Variants in DCBLD1 observed in about 807,000 individuals in gnomAD.
DCBLD1 encodes the protein discoidin, CUB and LCCL domain-containing protein 1.
Under a neutral mutation model 71.5 loss-of-function variants are expected in DCBLD1, and 57 were observed. That is an observed-to-expected ratio of 0.80 (90% CI 0.64 to 0.99). The LOEUF (loss-of-function observed/expected upper bound fraction) is 0.99, where lower values mean the gene tolerates loss of function less well. Among genes scored for constraint, DCBLD1 ranks in the 50% least tolerant of loss-of-function variants. DCBLD1 has a pLI of 0.00. For synonymous variants in DCBLD1, 380 were observed against 363.8 expected (o/e 1.04, Z -0.51); for missense variants, 891 against 923.5 (o/e 0.96, Z 0.46).
intron 9 of DCBLD1, 92 bp from the exon 10 acceptor site, chr6:117,540,576 C>A: frequency 6.7e-7 from 1 of 1,484,066 alleles, no homozygotes; most frequent in South Asian, 1.3e-5. Flanking sequence ...AGAATCCTTG[C>A]CTTGGTTTCA....
At chr6:117,517,665 A>T (rs543641571) in intron 2 of DCBLD1, among the ~76,000 whole-genome samples, 3 of 152,200 alleles carry the variant, frequency 2.0e-5, no homozygotes, top group African/African-American at 7.2e-5. Flanking sequence ...CCAAACCCCA[A>T]TTCTTGACTT....
chr6:117,535,207 C>CT (rs762714546), intron 6 of DCBLD1, among the ~76,000 whole-genome samples: 2 of 152,160 alleles, frequency 1.3e-5, no homozygotes, highest in Non-Finnish European at 2.9e-5. Flanking sequence ...ATCCAGGGGT[C>CT]TTCTGGGATT....
downstream of DCBLD1, among the ~76,000 whole-genome samples, chr6:117,550,657 A>AT (rs1779412953): frequency 6.6e-6 from 1 of 152,168 alleles, no homozygotes; most frequent in African/African-American, 2.4e-5. Flanking sequence ...TTTTGTGTTT[A>AT]TTTTATACTG....
intron 1 of DCBLD1, among the ~76,000 whole-genome samples, chr6:117,487,727 T>C (rs1310185528): frequency 1.3e-5 from 2 of 151,974 alleles, no homozygotes; most frequent in Non-Finnish European, 2.9e-5. Flanking sequence ...GTATGTAAAA[T>C]AGAGAAATTC....
chr6:117,522,732 C>A (rs1334868815), intron 4 of DCBLD1, among the ~76,000 whole-genome samples: 1 of 152,154 alleles, frequency 6.6e-6, no homozygotes, highest in Non-Finnish European at 1.5e-5. Context: ...CTATGACTCT[C>A]TAGAGTGCTT....
At chr6:117,512,785 ATGT>A (rs146434117) in intron 2 of DCBLD1, among the ~76,000 whole-genome samples, 5 of 151,694 alleles carry the variant, frequency 3.3e-5, no homozygotes, top group Admixed American at 2.0e-4. Context: ...TGGAGGTTTT[ATGT>A]TGTTGTTGTT....
At chr6:117,560,787 T>C in intron 14 of DCBLD1, 1 of 211,780 alleles carries the variant, frequency 4.7e-6, no homozygotes. Context: ...ATTAAAACGT[T>C]TTCTCAACCA....
chr6:117,521,437 ACT>A (rs1194109223), intron 3 of DCBLD1, 86 bp from the exon 4 acceptor site: 43 of 1,154,742 alleles, frequency 3.7e-5, no homozygotes, highest in African/African-American at 6.7e-5. Context: ...CTTTTTAAAA[ACT>A]CTTTTATTTT....
intron 3 of DCBLD1, among the ~76,000 whole-genome samples, chr6:117,521,113 CT>C (rs1477414601): frequency 6.6e-6 from 1 of 152,210 alleles, no homozygotes; most frequent in African/African-American, 2.4e-5. Context: ...CCAGATGCCA[CT>C]GGCTAAATTG....
intron 1 of DCBLD1, among the ~76,000 whole-genome samples, chr6:117,501,333 A>G (rs11153665): frequency 0.099 from 7,948 of 80,424 alleles, 319 homozygotes; most frequent in Non-Finnish European, 0.12. Context: ...TTCAGTTGTC[A>G]TTGTTGTTGT....
intron 4 of DCBLD1, among the ~76,000 whole-genome samples, chr6:117,522,374 C>T (rs969691603): frequency 7.9e-5 from 12 of 152,094 alleles, no homozygotes; most frequent in African/African-American, 1.7e-4. Flanking sequence ...TGGGCAGAAT[C>T]GCCCCCAGTG....
At chr6:117,496,883 C>T (rs1295033109) in intron 1 of DCBLD1, among the ~76,000 whole-genome samples, 1 of 152,128 alleles carries the variant, frequency 6.6e-6, no homozygotes, top group Non-Finnish European at 1.5e-5. Flanking sequence ...TATCATTTAA[C>T]TTTTGTTCAT....
At chr6:117,562,011 G>C (rs1172514601) in intron 14 of DCBLD1, 1 of 205,756 alleles carries the variant, frequency 4.9e-6, no homozygotes, top group Non-Finnish European at 9.9e-6. Context: ...TCCTTTAACT[G>C]TACGTCCTTT....
intron 2 of DCBLD1, among the ~76,000 whole-genome samples, chr6:117,504,751 C>T (rs1777782321): frequency 6.6e-6 from 1 of 152,168 alleles, no homozygotes; most frequent in Non-Finnish European, 1.5e-5. Flanking sequence ...ACCCTTTGAT[C>T]CTAAGCCCAA....
At chr6:117,564,450 AGAT>A (rs1226178558) in intron 14 of DCBLD1, among the ~76,000 whole-genome samples, 2 of 152,242 alleles carry the variant, frequency 1.3e-5, no homozygotes, top group Non-Finnish European at 2.9e-5. Flanking sequence ...TTTGTTGGCA[AGAT>A]GATGTCTAGC....
At chr6:117,551,759 T>C (rs2114584828), downstream of DCBLD1, among the ~76,000 whole-genome samples, 1 of 152,328 alleles carries the variant, frequency 6.6e-6, no homozygotes, top group Middle Eastern at 3.4e-3. Context: ...GAATTCATAA[T>C]AGACAGGTTT....
chr6:117,526,251 A>AT (rs1308603437), intron 5 of DCBLD1, among the ~76,000 whole-genome samples: 2 of 152,010 alleles, frequency 1.3e-5, no homozygotes, highest in African/African-American at 4.8e-5. Flanking sequence ...AGATTTTGTT[A>AT]TTTTGCCTTT....
chr6:117,538,143 T>C (rs893749205), intron 7 of DCBLD1, among the ~76,000 whole-genome samples: 2 of 152,222 alleles, frequency 1.3e-5, no homozygotes, highest in Non-Finnish European at 2.9e-5. Context: ...TTGGGCATGG[T>C]ATAGTTAAGG....
intron 5 of DCBLD1, among the ~76,000 whole-genome samples, chr6:117,526,777 G>T (rs1287823794): frequency 6.6e-6 from 1 of 152,174 alleles, no homozygotes. Context: ...TCAATGTCAT[G>T]GATGTATTAG....
Sources: allele counts gnomAD v4.1 joint callset (sites outside exome capture counted in the v4.1 genomes callset), GRCh38; gene constraint gnomAD v4.1.1; transcripts MANE v1.5; gene names NCBI Gene and HGNC (gene_info 2026-07-23, HGNC 2026-07-21).